The following BCORL1 variants were observed in gnomAD, a reference collection of about 807,000 sequenced individuals.
BCORL1 encodes BCL-6 corepressor-like protein 1.
Under a neutral mutation model 87.6 loss-of-function variants are expected in BCORL1, and 7 were observed. That is an observed-to-expected ratio of 0.08 (90% CI 0.05 to 0.15). BCORL1 has a LOEUF of 0.15. BCORL1 is among the 10% of genes least tolerant of loss of function. BCORL1 has a pLI of 1.00. For synonymous variants in BCORL1, 591 were observed against 634.4 expected, an observed-to-expected ratio of 0.93 and a Z score of 1.03; for missense variants, 1,215 against 1,499.7, an observed-to-expected ratio of 0.81 and a Z score of 3.13.
At chrX:130,018,294 G>T (rs1022901474) in intron 4 of BCORL1, among the ~76,000 whole-genome samples, 1 of 112,086 alleles carries the variant, frequency 8.9e-6, no homozygotes, top group Non-Finnish European at 1.9e-5. Context: ...GTAGACTAGT[G>T]GTTGCCTAGG....
chrX:130,050,087 C>T (rs1269002581), intron 11 of BCORL1, among the ~76,000 whole-genome samples: 1 of 109,962 alleles, frequency 9.1e-6, no homozygotes, highest in African/African-American at 3.3e-5. Flanking sequence ...TTTTTTTTCA[C>T]AGAAATATTG....
At chrX:130,008,832 A>C (rs1406327597) in intron 2 of BCORL1, among the ~76,000 whole-genome samples, 5 of 112,539 alleles carry the variant, frequency 4.4e-5, no homozygotes, top group African/African-American at 1.6e-4. Flanking sequence ...ACTGTAGAAC[A>C]GGAGGCATGG....
chrX:130,052,290 G>C (rs996764925), intron 13 of BCORL1, among the ~76,000 whole-genome samples: 2 of 112,613 alleles, frequency 1.8e-5, no homozygotes, highest in Non-Finnish European at 3.7e-5. Flanking sequence ...TAATCTGAGA[G>C]ATACTTGGGC....
intron 9 of BCORL1, among the ~76,000 whole-genome samples, chrX:130,035,407 C>T (rs1044245565): frequency 2.0e-4 from 22 of 112,323 alleles, no homozygotes; most frequent in Non-Finnish European, 3.6e-4. Flanking sequence ...ACACCTTGGA[C>T]GTTTCCATTG....
rs759569104 is a variant in BCORL1 at position 130,007,209 on chromosome X, TG to T, written c.86+1893del. ...TTTATTTTCTTAAGCCATTAGTGCC[TG>T]ATAGCTTAATGTTCTCTGTACTGAG... is the stretch of plus-strand genomic sequence containing the variant. On this transcript the variant is annotated intron_variant, in intron 2 of 13. Coordinates refer to ENST00000540052, the MANE Select transcript of BCORL1 (RefSeq NM_001379451.1). Among the ~76,000 whole-genome samples the T allele has an allele frequency of 3.6e-5, 4 of 112,419 alleles. No individual in the cohort carries two copies. In the South Asian group the frequency reaches 1.1e-3, roughly 31 times the overall value.
At chrX:130,043,746 TTATATATATA>T (rs55637661) in intron 11 of BCORL1, among the ~76,000 whole-genome samples, 19 of 17,466 alleles carry the variant, frequency 1.1e-3, no homozygotes, top group African/African-American at 5.3e-3. Flanking sequence ...AGCTAATTTG[TTATATATATA>T]TATATATATA....
At chrX:130,032,731 T>C (rs1000019632) in intron 8 of BCORL1, among the ~76,000 whole-genome samples, 1 of 100,914 alleles carries the variant, frequency 9.9e-6, no homozygotes, top group African/African-American at 3.5e-5. Context: ...CGAGAATCTC[T>C]TCTATTTATT....
rs1278374863 is a variant in BCORL1, at chrX:130,014,226, T to G, written c.1454T>G (p.Leu485Arg). 8.3e-7 allele frequency: 1 copy of G among 1,210,797 alleles called. No individual in the cohort carries two copies. Among genetic ancestry groups the G allele is most frequent in the African/African-American group, 1.7e-5 (1 of 57,668 alleles). Reference sequence around the variant, plus strand: ...ACGCTCCCTGTCCTGCCGTCCTACCTGCAGGACAGGTGTCTCCCAGGCGTG... The same window carrying G: ...ACGCTCCCTGTCCTGCCGTCCTACCGGCAGGACAGGTGTCTCCCAGGCGTG... ...TLTLPVLPSY[L>R]QDRCLPGVLA... is the part of the protein sequence containing the mutation. The change falls in exon 4 of 14, where the codon CTG becomes CGG. Residue 485 changes from leucine (L) to arginine (R), a missense_variant. Physicochemically the swap from Leu to Arg is moderately radical, Grantham distance 102. Transcript: ENST00000540052.
chrX:130,031,789 CAAACAA>C (rs1930622239), intron 8 of BCORL1, among the ~76,000 whole-genome samples: 1 of 108,580 alleles, frequency 9.2e-6, no homozygotes, highest in South Asian at 3.8e-4. Flanking sequence ...GTCTCAAAAA[CAAACAA>C]ACAACAACAA....
intron 1 of BCORL1, among the ~76,000 whole-genome samples, chrX:129,993,877 C>A (rs1233625942): frequency 9.1e-6 from 1 of 110,465 alleles, no homozygotes; most frequent in Non-Finnish European, 1.9e-5. Context: ...TCTGACCCCC[C>A]AGGTCCAAGC....
In BCORL1 at chrX:130,025,331, G is replaced by A. The variant is rs1216044383; in HGVS notation, c.4030G>A (p.Glu1344Lys). The A allele has an allele frequency of 8.5e-7, 1 of 1,178,506 alleles. No homozygotes were observed. Reference sequence around the variant, plus strand: ...GAAGAGCCGAAAATATCAGACTGGGGAGTACCTGACAGAGCAAGAAGACGA... The same window carrying A: ...GAAGAGCCGAAAATATCAGACTGGGAAGTACCTGACAGAGCAAGAAGACGA... ...RQKSRKYQTG[E>K]YLTEQEDEQR... The change falls in exon 7 of 14, where the codon GAG becomes AAG. Residue 1344 changes from glutamate (E) to lysine (K), a missense_variant. Physicochemically the swap from Glu to Lys is moderately conservative, Grantham distance 56. This residue lies in a region of BCORL1 where 166 missense variants were observed against 196.5 expected (regional missense o/e 0.84). Transcript: ENST00000540052.
intron 11 of BCORL1, 65 bp from the exon 12 acceptor site, chrX:130,050,652 C>T: frequency 9.9e-7 from 1 of 1,007,221 alleles, no homozygotes; most frequent in Admixed American, 2.2e-5. Flanking sequence ...TATGCATGGA[C>T]TTCACTTGGA....
chrX:130,049,416 G>A (rs1170149175), intron 11 of BCORL1, among the ~76,000 whole-genome samples: 2 of 112,144 alleles, frequency 1.8e-5, no homozygotes, highest in Non-Finnish European at 3.8e-5. Context: ...GAGTACAATG[G>A]CATTATCTTG....
chrX:130,047,158 C>T (rs2124568411), intron 11 of BCORL1, among the ~76,000 whole-genome samples: 1 of 111,640 alleles, frequency 9.0e-6, no homozygotes, highest in Admixed American at 9.6e-5. Context: ...GCTGTGTTCC[C>T]CTTTTGGCTG....
At chrX:130,050,883 T>C in intron 12 of BCORL1, 89 bp downstream of exon 12, 1 of 823,113 alleles carries the variant, frequency 1.2e-6, no homozygotes, top group Non-Finnish European at 1.8e-6. Context: ...TTTAGTGGCT[T>C]ACAGACCCTT....
At chrX:130,000,974 G>A (rs1016344999) in intron 1 of BCORL1, among the ~76,000 whole-genome samples, 5 of 110,246 alleles carry the variant, frequency 4.5e-5, no homozygotes, top group African/African-American at 9.9e-5. Context: ...TCTCAGGGCC[G>A]TCACTTCAGT....
chrX:130,013,612 A>C lies in BCORL1; in HGVS notation c.840A>C (p.Ser280=), dbSNP rs1364282701. 1.2e-5 allele frequency: 14 copies of C among 1,210,115 alleles called. 1 individual carries two copies. The Middle Eastern group carries it at 1.4e-3, about 119-fold the overall frequency. ...CGAACCCCCTTTCTGTTTCGGCCTC[A>C]GTCTTGGTGCCTGTGCCAGCTTCTG... ...SDSNPLSVSA[S]VLVPVPASAP... Residue 280 remains serine, a synonymous_variant, in exon 4 of 14, where the codon TCA becomes TCC. Transcript: ENST00000540052.
intron 4 of BCORL1, among the ~76,000 whole-genome samples, chrX:130,017,484 C>T (rs1175392771): frequency 1.8e-5 from 2 of 110,869 alleles, no homozygotes; most frequent in Non-Finnish European, 3.8e-5. Context: ...GAATGCTACA[C>T]CAATCTACAG....
At chrX:129,993,760 G>A (rs760763042) in intron 1 of BCORL1, among the ~76,000 whole-genome samples, 60 of 111,689 alleles carry the variant, frequency 5.4e-4, no homozygotes, top group Admixed American at 1.8e-3. Context: ...AATAGATTAC[G>A]TATGGTCCTT....
Sources: gnomAD v4.1 joint callset for allele counts (sites outside exome capture counted in the v4.1 genomes callset) on GRCh38, gnomAD v4.1.1 for gene constraint, gnomAD v4.1.1 regional missense constraint, MANE v1.5 for transcripts, NCBI Gene and HGNC (gene_info 2026-07-23, HGNC 2026-07-21) for gene names.